STARD7: variants seen among roughly 807,000 people sequenced by gnomAD.
STARD7 encodes StAR related lipid transfer domain containing 7, also known as stAR-related lipid transfer protein 7, mitochondrial.
Under a neutral mutation model 45.3 loss-of-function variants are expected in STARD7, and 30 were observed. That is an observed-to-expected ratio of 0.66 (90% CI 0.50 to 0.90). The LOEUF is 0.90. STARD7 is among the 40% of genes least tolerant of loss of function. The pLI is 0.00. For missense variants in STARD7, 495 were observed against 491.3 expected (o/e 1.01, Z -0.07); for synonymous variants, 199 against 183.0 (o/e 1.09, Z -0.70).
Position 96,197,084 on chromosome 2 carries a change from A to ATAACATAACATAAC in STARD7, c.291-1536_291-1535insGTTATGTTATGTTA, listed in dbSNP as rs1558735823. 5.1e-5 allele frequency among the ~76,000 whole-genome samples: 7 copies of ATAACATAACATAAC among 138,478 alleles called. 1 individual carries two copies. The East Asian group carries it at 1.3e-3, about 26-fold the overall frequency. 90.8% of individuals were successfully genotyped at this position (138,478 alleles called of 152,430 possible). A position where few individuals can be genotyped will look rare whatever the true frequency, so the allele number is the denominator to read the frequency against. On this transcript the variant is annotated intron_variant, in intron 1 of 7. Transcript: ENST00000337288. Reference sequence around the variant, plus strand: ...TCCGTCTCAAAATAAAATAAAATAAAATAAAATAAAATAAAATAAAATAAA... The same window carrying ATAACATAACATAAC: ...TCCGTCTCAAAATAAAATAAAATAAATAACATAACATAACATAAAATAAAATAAAATAAAATAAA...
chr2:96,197,085 ATAAAATAAAATAAAAT>A (rs1683228106), intron 1 of STARD7, among the ~76,000 whole-genome samples: 1 of 136,970 alleles, frequency 7.3e-6, no homozygotes, highest in Admixed American at 7.5e-5. Flanking sequence ...ATAAAATAAA[ATAAAATAAAATAAAAT>A]AAAATAAAAT....
rs200880792 is a variant in STARD7, at chr2:96,195,479, G to A, written c.361C>T (p.Pro121Ser). 19 of 1,613,670 alleles carry A rather than the reference G, an allele frequency of 1.2e-5. No homozygotes were observed. The African/African-American group carries it at 2.0e-4, about 17-fold the overall frequency. ...MFQSSGVQHH[P>S]PEPKAQTEGN... ...TCTGTTTGGGCTTTTGGTTCTGGAG[G>A]GTGGTGCTGGACTCCAGAGCTCTGA... The change falls in exon 2 of 8, where the codon CCT becomes TCT. Residue 121 changes from proline (P) to serine (S), a missense_variant. Physicochemically the swap from Pro to Ser is moderately conservative, Grantham distance 74. Coordinates refer to ENST00000337288, the MANE Select transcript of STARD7 (RefSeq NM_020151.4).
intron 1 of STARD7, among the ~76,000 whole-genome samples, chr2:96,198,715 TTTGA>T (rs1314001736): frequency 1.3e-5 from 2 of 152,324 alleles, no homozygotes; most frequent in Admixed American, 6.5e-5. Flanking sequence ...TTATTTTTTC[TTTGA>T]TTGCTTGTTT....
rs1273884974 is a variant in STARD7 at position 96,195,432 on chromosome 2, G to C, written c.408C>G (p.Gly136=). The stretch of plus-strand genomic sequence containing the variant: ...TCACCATTTCCCAACGTTGCTCTTT[G>C]CCCTCTGAATCTTCATTCCCTTCTG... ...AQTEGNEDSE[G]KEQRWEMVMD... is the part of the protein sequence containing the mutation. Residue 136 remains glycine (G), a synonymous_variant, in exon 2 of 8, where the codon GGC becomes GGG. Coordinates refer to ENST00000337288, the MANE Select transcript of STARD7 (RefSeq NM_020151.4). 6.2e-7 allele frequency: 1 copy of C among 1,612,868 alleles called. No homozygotes were observed. Among genetic ancestry groups the C allele is most frequent in the Admixed American group, 1.7e-5 (1 of 59,856 alleles).
chr2:96,196,293 C>T (rs867773445), intron 1 of STARD7, among the ~76,000 whole-genome samples: 5 of 151,906 alleles, frequency 3.3e-5, no homozygotes, highest in Non-Finnish European at 7.4e-5. Flanking sequence ...TGAGACCCTA[C>T]CTCTAAGAAA....
rs554854360 is a variant in STARD7 at position 96,207,340 on chromosome 2, A to G, written c.290+805T>C. Among the ~76,000 whole-genome samples, 3 of 152,378 alleles carry G rather than the reference A, an allele frequency of 2.0e-5. No homozygotes were observed. The East Asian group carries it at 5.8e-4, about 29-fold the overall frequency. ...TGTCTCTGGTTCCCGAAATCACGGC[A>G]AAGTACTTTCTGTGCAGGGAGGGCA... On this transcript the variant is annotated intron_variant, in intron 1 of 7. Transcript: ENST00000337288.
rs1351184672 is a variant in STARD7, at chr2:96,195,944, C to A, written c.291-395G>T. 3.3e-5 allele frequency among the ~76,000 whole-genome samples: 5 copies of A among 151,698 alleles called. No individual in the cohort carries two copies. The East Asian group carries it at 9.7e-4, about 29-fold the overall frequency. ...CCTGATCAACATGGTGAAACCCTGT[C>A]TCTACTACAAACACAAAAATTAACC... On this transcript the variant is annotated intron_variant, in intron 1 of 7. Coordinates refer to ENST00000337288, the MANE Select transcript of STARD7 (RefSeq NM_020151.4).
chr2:96,191,740 T>G (rs917706043), intron 6 of STARD7, among the ~76,000 whole-genome samples: 1 of 151,924 alleles, frequency 6.6e-6, no homozygotes, highest in Non-Finnish European at 1.5e-5. Flanking sequence ...AAAACTACAC[T>G]AAAGAACACT....
At chr2:96,196,062 G>C (rs549989158) in intron 1 of STARD7, among the ~76,000 whole-genome samples, 77 of 148,066 alleles carry the variant, frequency 5.2e-4, no homozygotes, top group African/African-American at 1.9e-3. Context: ...GCAGTAAGCC[G>C]AGATCACGCC....
intron 1 of STARD7, among the ~76,000 whole-genome samples, chr2:96,204,232 C>T (rs1683351680): frequency 6.6e-6 from 1 of 152,028 alleles, no homozygotes; most frequent in Admixed American, 6.6e-5. Context: ...TGCACTCCAG[C>T]CTGGGCGACA....
chr2:96,194,524 T>TG (rs1683173724), intron 3 of STARD7, among the ~76,000 whole-genome samples: 1 of 152,196 alleles, frequency 6.6e-6, no homozygotes, highest in African/African-American at 2.4e-5. Flanking sequence ...TACATGAAAG[T>TG]GTTCCATCAG....
intron 1 of STARD7, among the ~76,000 whole-genome samples, chr2:96,196,620 C>A (rs1683213110): frequency 6.6e-6 from 1 of 152,176 alleles, no homozygotes; most frequent in Non-Finnish European, 1.5e-5. Flanking sequence ...CGCTATCATG[C>A]CCGGCTGATT....
At chr2:96,191,359 A>T (rs1683123177) in intron 6 of STARD7, among the ~76,000 whole-genome samples, 2 of 152,288 alleles carry the variant, frequency 1.3e-5, no homozygotes, top group Admixed American at 6.5e-5. Flanking sequence ...GGGGTTCATT[A>T]TACTCTTCTA....
rs754610941 is a variant in STARD7, at chr2:96,208,285, G to T, written c.150C>A (p.Ser50=). Residue 50 remains serine, a synonymous_variant, in exon 1 of 8, where the codon TCC becomes TCA. Transcript: ENST00000337288. The part of the protein sequence containing the change: ...QIAQLYGRLY[S]ESSRRVLLGR... ...CGAGGAGAACGCGGCGTGAGCTCTC[G>T]GAGTAGAGGCGGCCGTAGAGCTGCG... 3.7e-6 allele frequency: 6 copies of T among 1,610,852 alleles called. No individual in the cohort carries two copies. Among genetic ancestry groups the T allele is most frequent in the Non-Finnish European group, 4.2e-6 (5 of 1,179,184 alleles).
chr2:96,201,670 C>T (rs1038327550), intron 1 of STARD7, among the ~76,000 whole-genome samples: 5 of 151,754 alleles, frequency 3.3e-5, no homozygotes, highest in Admixed American at 6.6e-5. Context: ...TGGTGGCCTG[C>T]GCCTGTAATC....
In STARD7 at chr2:96,208,249, C is replaced by A. The variant is rs1377447530; in HGVS notation, c.186G>T (p.Trp62Cys). Reference protein sequence around the residue: ...SSRRVLLGRLWRRLHGRPGHA... With the variant: ...SSRRVLLGRLCRRLHGRPGHA... ...GGCCAGGACGGCCGTGCAGCCGGCG[C>A]CAGAGGCGGCCGAGGAGAACGCGGC... The change falls in exon 1 of 8, where the codon TGG becomes TGT. Residue 62 changes from tryptophan (W) to cysteine (C), a missense_variant. Around this residue, in one of 2 missense-constraint regions of STARD7, gnomAD observed 282 missense variants for 220.1 expected, o/e 1.28. Transcript: ENST00000337288. 10 of 1,612,070 alleles carry A rather than the reference C, an allele frequency of 6.2e-6. No individual in the cohort carries two copies. Among genetic ancestry groups the A allele is most frequent in the African/African-American group, 2.7e-5 (2 of 74,894 alleles).
intron 7 of STARD7, 82 bp downstream of exon 7, chr2:96,187,135 C>T (rs1027822473): frequency 4.7e-5 from 52 of 1,097,784 alleles, no homozygotes; most frequent in African/African-American, 1.1e-4. Flanking sequence ...CCAGAAGAGA[C>T]GTTTTATTTC....
chr2:96,192,219 C>T, intron 6 of STARD7, 150 bp downstream of exon 6: 1 of 652,574 alleles, frequency 1.5e-6, no homozygotes. Context: ...CAGGAGTTCC[C>T]AAAAAATGGT....
intron 6 of STARD7, among the ~76,000 whole-genome samples, chr2:96,188,450 T>C (rs1189874180): frequency 6.0e-5 from 9 of 150,904 alleles, no homozygotes; most frequent in Non-Finnish European, 1.0e-4. Flanking sequence ...TAATTTTGTA[T>C]TTTCAGTAGA....
Sources: gnomAD v4.1 joint callset for allele counts (sites outside exome capture counted in the v4.1 genomes callset) on GRCh38, gnomAD v4.1.1 for gene constraint, gnomAD v4.1.1 regional missense constraint, MANE v1.5 for transcripts, NCBI Gene and HGNC (gene_info 2026-07-23, HGNC 2026-07-21) for gene names.